GUCY1A2: variants seen among roughly 807,000 people sequenced by gnomAD.
GUCY1A2 encodes guanylate cyclase 1 soluble subunit alpha 2, also known as guanylate cyclase soluble subunit alpha-2.
A neutral mutation model predicts 63.5 loss-of-function variants in GUCY1A2; 27 were observed. That is an observed-to-expected ratio of 0.43 (90% CI 0.31 to 0.59). The LOEUF (loss-of-function observed/expected upper bound fraction) is 0.59, where lower values mean the gene tolerates loss of function less well. Ranked by LOEUF, GUCY1A2 falls within the 20% of genes least tolerant of loss-of-function variation. The probability of loss-of-function intolerance (pLI) is 0.11; values close to 1 mark genes in which losing one functional copy is unlikely to be tolerated. For synonymous variants in GUCY1A2, 364 were observed against 343.5 expected (o/e 1.06, Z -0.66); for missense variants, 768 against 913.3 (o/e 0.84, Z 2.05).
At chr11:106,902,456 C>A (rs1860147087) in intron 4 of GUCY1A2, among the ~76,000 whole-genome samples, 2 of 152,190 alleles carry the variant, frequency 1.3e-5, no homozygotes. Flanking sequence ...GTTTTGACTT[C>A]TCCTCTCTAG....
At chr11:106,800,593 A>G (rs1202873147) in intron 5 of GUCY1A2, among the ~76,000 whole-genome samples, 2 of 152,214 alleles carry the variant, frequency 1.3e-5, no homozygotes, top group Non-Finnish European at 2.9e-5. Context: ...TTGTAGGGAC[A>G]TGGATGAAGC....
At chr11:106,707,122 T>A (rs976158201) in intron 7 of GUCY1A2, among the ~76,000 whole-genome samples, 1 of 151,820 alleles carries the variant, frequency 6.6e-6, no homozygotes, top group African/African-American at 2.4e-5. Flanking sequence ...AAAATCAAGG[T>A]ATCCACTACT....
intron 1 of GUCY1A2, among the ~76,000 whole-genome samples, chr11:107,007,044 CTG>C (rs1280609642): frequency 6.6e-6 from 1 of 152,102 alleles, no homozygotes; most frequent in Non-Finnish European, 1.5e-5. Flanking sequence ...AACCCGTAGA[CTG>C]TCTTATATTC....
At chr11:106,867,125 G>A (rs1479614571) in intron 4 of GUCY1A2, among the ~76,000 whole-genome samples, 1 of 152,048 alleles carries the variant, frequency 6.6e-6, no homozygotes, top group Non-Finnish European at 1.5e-5. Flanking sequence ...CCTTTAGGAA[G>A]CTAAAATATC....
At chr11:106,852,506 G>A (rs1326426390) in intron 4 of GUCY1A2, among the ~76,000 whole-genome samples, 2 of 151,986 alleles carry the variant, frequency 1.3e-5, no homozygotes, top group Non-Finnish European at 2.9e-5. Context: ...AATTTGTTGA[G>A]TCTTTAACAT....
chr11:106,982,226 A>C lies in GUCY1A2; in HGVS notation c.366-3486T>G, dbSNP rs1861345984. Among the ~76,000 whole-genome samples the C allele has an allele frequency of 2.6e-5, 4 of 152,328 alleles. No homozygotes were observed. The South Asian group carries it at 8.3e-4, about 32-fold the overall frequency. On this transcript the variant is annotated intron_variant, in intron 2 of 7. Transcript: ENST00000526355. ...AATCTTTCCACAACATACAAAGAGA[A>C]GAAAGGGCACTATGGCAAGAATTAT...
At position 107,012,941 on chromosome 11, in the gene GUCY1A2, T is replaced by G. The variant is rs185445260; in HGVS notation, c.303+4812A>C. On this transcript the variant is annotated intron_variant, in intron 1 of 7. Transcript: ENST00000526355. ...TTAGTTACACACATACTTTCTAAGG[T>G]TTTTTTTCAAGGTTTATACATGTCA... Among the ~76,000 whole-genome samples, 51 of 152,136 alleles carry G rather than the reference T, an allele frequency of 3.4e-4. No homozygotes were observed. In the East Asian group the frequency reaches 9.1e-3, roughly 27 times the overall value.
At chr11:106,888,779 G>C (rs1859935272) in intron 4 of GUCY1A2, among the ~76,000 whole-genome samples, 1 of 152,048 alleles carries the variant, frequency 6.6e-6, no homozygotes. Flanking sequence ...TTGATCACTG[G>C]AAAAGCAATC....
Position 106,680,312 on chromosome 11 carries a change from C to T in GUCY1A2, c.*7237G>A, listed in dbSNP as rs1938624. ...ATAGGTTTAATGACATTTAATAGACCACAGTAAAAATATATTAAGTAGAAT... is the reference window on the plus strand; with the variant it reads ...ATAGGTTTAATGACATTTAATAGACTACAGTAAAAATATATTAAGTAGAAT... On this transcript the variant is annotated 3_prime_UTR_variant, in exon 8 of 8. Transcript: ENST00000526355. 7,571 of 207,412 alleles carry T rather than the reference C, an allele frequency of 0.037. 458 individuals are homozygous for T. Among genetic ancestry groups the T allele is most frequent in the East Asian group, 0.17 (2,309 of 13,548 alleles). The allele number at this position is 207,412 out of a possible 1,614,324, so 12.8% of individuals were successfully genotyped here.
In GUCY1A2 at chr11:106,710,985, A is replaced by G. The variant is rs550674; in HGVS notation, c.1837-2319T>C. On this transcript the variant is annotated intron_variant, in intron 6 of 7. Transcript: ENST00000526355. ...TCAACTCATAAAAAGATAGGTTGAAACTAATGTGACCTAGCTGCATCCCCT... is the reference window on the plus strand; with the variant it reads ...TCAACTCATAAAAAGATAGGTTGAAGCTAATGTGACCTAGCTGCATCCCCT... 5.7e-3 allele frequency among the ~76,000 whole-genome samples: 870 copies of G among 152,278 alleles called. 7 individuals are homozygous for G. The highest frequency in any genetic ancestry group is 0.02 in the Middle Eastern group (6 of 294).
At chr11:106,709,789 AT>A (rs2135351575) in intron 6 of GUCY1A2, among the ~76,000 whole-genome samples, 1 of 116,422 alleles carries the variant, frequency 8.6e-6, no homozygotes, top group East Asian at 2.9e-4. Context: ...ATATAGTTAT[AT>A]ATTATATACA....
chr11:106,728,289 G>T (rs1004716512), intron 6 of GUCY1A2, among the ~76,000 whole-genome samples: 1 of 151,932 alleles, frequency 6.6e-6, no homozygotes, highest in Non-Finnish European at 1.5e-5. Flanking sequence ...CTGACTTCTT[G>T]CCCTCCTTTC....
chr11:106,966,119 T>C (rs1591347049), intron 3 of GUCY1A2, among the ~76,000 whole-genome samples: 1 of 152,064 alleles, frequency 6.6e-6, no homozygotes, highest in African/African-American at 2.4e-5. Flanking sequence ...TTCTTTTTTG[T>C]TTTTTTGAGA....
chr11:106,763,693 C>G (rs910603390), intron 6 of GUCY1A2, among the ~76,000 whole-genome samples: 1 of 151,866 alleles, frequency 6.6e-6, no homozygotes, highest in Non-Finnish European at 1.5e-5. Flanking sequence ...GACTTGAGAG[C>G]CAAGAAAAAA....
At chr11:106,907,331 G>A (rs11211969) in intron 4 of GUCY1A2, among the ~76,000 whole-genome samples, 43,328 of 151,758 alleles carry the variant, frequency 0.29, 6,558 homozygotes, top group Non-Finnish European at 0.33. Context: ...TTTCTCTGAT[G>A]TCTTTTTTTA....
At chr11:106,791,873 C>T (rs540448439) in intron 5 of GUCY1A2, among the ~76,000 whole-genome samples, 1 of 152,106 alleles carries the variant, frequency 6.6e-6, no homozygotes, top group African/African-American at 2.4e-5. Context: ...ACGTTTCATA[C>T]CAGAAGAGCT....
rs191948065 is a variant in GUCY1A2, at chr11:106,727,855, C to A, written c.1837-19189G>T. ...CAATCACACTAATCTAATTTCTCCACCTGACTCCAGCCAATTTCCCCTTCA... is the reference window on the plus strand; with the variant it reads ...CAATCACACTAATCTAATTTCTCCAACTGACTCCAGCCAATTTCCCCTTCA... On this transcript the variant is annotated intron_variant, in intron 6 of 7. Transcript: ENST00000526355. 2.0e-3 allele frequency among the ~76,000 whole-genome samples: 298 copies of A among 152,270 alleles called. 2 individuals are homozygous for A. The highest frequency in any genetic ancestry group is 6.9e-3 in the African/African-American group (285 of 41,554).
At chr11:106,995,778 C>T (rs1861526551) in intron 1 of GUCY1A2, among the ~76,000 whole-genome samples, 1 of 152,234 alleles carries the variant, frequency 6.6e-6, no homozygotes, top group African/African-American at 2.4e-5. Context: ...CCATGCCTTA[C>T]AGCCCAAAGA....
intron 6 of GUCY1A2, among the ~76,000 whole-genome samples, chr11:106,722,700 GA>G (rs200109012): frequency 6.8e-5 from 10 of 147,624 alleles, no homozygotes; most frequent in Admixed American, 2.7e-4. Context: ...GCAAACAAAA[GA>G]AAAAAAAATA....
Sources: gnomAD v4.1 joint callset for allele counts (sites outside exome capture counted in the v4.1 genomes callset) on GRCh38, gnomAD v4.1.1 for gene constraint, MANE v1.5 for transcripts, NCBI Gene and HGNC (gene_info 2026-07-23, HGNC 2026-07-21) for gene names.